CEMIP: variants seen among roughly 807,000 people sequenced by gnomAD.
CEMIP encodes the protein cell migration-inducing and hyaluronan-binding protein.
Under a neutral mutation model 156.9 loss-of-function variants are expected in CEMIP, and 105 were observed. That is an observed-to-expected ratio of 0.67 (90% confidence interval 0.57 to 0.79). CEMIP has a LOEUF of 0.79. Among genes scored for constraint, CEMIP ranks in the 30% least tolerant of loss-of-function variants. The probability of loss-of-function intolerance (pLI) is 0.00; values close to 1 mark genes in which losing one functional copy is unlikely to be tolerated. For synonymous variants in CEMIP, 676 were observed against 668.4 expected, an observed-to-expected ratio of 1.01 and a Z score of -0.17; for missense variants, 1,457 against 1,769.4, an observed-to-expected ratio of 0.82 and a Z score of 3.17.
At chr15:80,874,095 G>A in intron 3 of CEMIP, 122 bp downstream of exon 3, 1 of 895,972 alleles carries the variant, frequency 1.1e-6, no homozygotes, top group Non-Finnish European at 1.8e-6. Context: ...AGGGTGCCTG[G>A]GCCTTGGCCC....
chr15:80,810,705 T>C (rs1896649005), intron 1 of CEMIP, among the ~76,000 whole-genome samples: 1 of 152,178 alleles, frequency 6.6e-6, no homozygotes, highest in Non-Finnish European at 1.5e-5. Context: ...ACTTGGCTCC[T>C]TGAGAACTTG....
intron 1 of CEMIP, among the ~76,000 whole-genome samples, chr15:80,840,568 C>T (rs1026834583): frequency 3.3e-5 from 5 of 152,186 alleles, no homozygotes; most frequent in African/African-American, 1.2e-4. Context: ...GCTCAGTGGG[C>T]CTGGCTCCTA....
chr15:80,812,838 G>C (rs778401706), intron 1 of CEMIP, among the ~76,000 whole-genome samples: 1 of 152,146 alleles, frequency 6.6e-6, no homozygotes, highest in Non-Finnish European at 1.5e-5. Flanking sequence ...AACACTTAGC[G>C]TAGGCTGGGC....
intron 3 of CEMIP, among the ~76,000 whole-genome samples, chr15:80,875,287 G>T (rs141895979): frequency 1.3e-5 from 2 of 152,042 alleles, no homozygotes; most frequent in East Asian, 3.9e-4. Context: ...CTTCAGCCTC[G>T]GTCTCCCAAA....
chr15:80,882,248 A>C lies in CEMIP; in HGVS notation c.617+1112A>C, dbSNP rs79397469. 6.6e-3 allele frequency among the ~76,000 whole-genome samples: 1,006 copies of C among 152,328 alleles called. 6 individuals are homozygous for C. The highest frequency in any genetic ancestry group is 0.022 in the African/African-American group (925 of 41,580). ...ACAGTCACTGGACTTTCTCCCCGTAAAACACTGTTCATCACTTTACCTGTC... is the reference window on the plus strand; with the variant it reads ...ACAGTCACTGGACTTTCTCCCCGTACAACACTGTTCATCACTTTACCTGTC... On this transcript the variant is annotated intron_variant, in intron 6 of 29. Coordinates refer to ENST00000394685, the MANE Select transcript of CEMIP (RefSeq NM_001293298.2).
chr15:80,895,186 T>C (rs1899175175), intron 11 of CEMIP, 64 bp downstream of exon 11: 7 of 1,607,752 alleles, frequency 4.4e-6, no homozygotes, highest in Non-Finnish European at 2.6e-6. Context: ...CTGGCAGCTA[T>C]GCAGGCAACT....
intron 19 of CEMIP, 96 bp downstream of exon 19, chr15:80,925,851 A>T (rs372337240): frequency 2.0e-6 from 3 of 1,501,808 alleles, no homozygotes; most frequent in Non-Finnish European, 2.7e-6. Context: ...AGAGAGGGGA[A>T]GCCAGACATA....
chr15:80,900,585 G>GGTGTGTGTGTGT lies in CEMIP; in HGVS notation c.1411+4578_1411+4589dup, dbSNP rs57724852. 7.7e-3 allele frequency among the ~76,000 whole-genome samples: 574 copies of GGTGTGTGTGTGT among 74,892 alleles called. 37 individuals are homozygous for GGTGTGTGTGTGT. The highest frequency in any genetic ancestry group is 0.011 in the African/African-American group (200 of 17,454). 49.1% of individuals were successfully genotyped at this position (74,892 alleles called of 152,430 possible). On this transcript the variant is annotated intron_variant, in intron 12 of 29. Transcript: ENST00000394685. ...CAGCACCAGAAAAGCCCCAGGTAGG[G>GGTGTGTGTGTGT]GTGTGTGTGTGTGTGTGTGTGTGTG...
At chr15:80,925,586 A>G (rs1174596286) in intron 18 of CEMIP, 38 bp from the exon 19 acceptor site, 1 of 1,607,252 alleles carries the variant, frequency 6.2e-7, no homozygotes, top group Admixed American at 1.7e-5. Context: ...CGTGCCCCCA[A>G]CACCGCCACC....
Position 80,948,961 on chromosome 15 carries a change from A to C in CEMIP, c.*37A>C. On this transcript the variant is annotated 3_prime_UTR_variant, in exon 30 of 30. Transcript: ENST00000394685. ...GCCCGGTGCCACCTCGTGGTAGACTATGACGGTGACTCTTGGCAGCAGACC... is the reference window on the plus strand; with the variant it reads ...GCCCGGTGCCACCTCGTGGTAGACTCTGACGGTGACTCTTGGCAGCAGACC... 2 of 1,613,568 alleles carry C rather than the reference A, an allele frequency of 1.2e-6. No individual in the cohort carries two copies. Among genetic ancestry groups the C allele is most frequent in the Middle Eastern group, 1.7e-4 (1 of 6,052 alleles).
At position 80,920,295 on chromosome 15, in the gene CEMIP, T is replaced by C; in HGVS notation, c.1999T>C (p.Cys667Arg). Residue 667 changes from cysteine to arginine, a missense_variant, in exon 15 of 30, where the codon TGC becomes CGC. Around this residue, in one of 5 missense-constraint regions of CEMIP, gnomAD observed 798 missense variants for 980.1 expected, o/e 0.81. Transcript: ENST00000394685. The stretch of plus-strand genomic sequence containing the variant: ...GTACATCCCCAAGCCCAGGCAAGAC[T>C]GCAAGTAAGTGCCTGGACCCCTCTC... Reference protein sequence around the residue: ...PGYIPKPRQDCNAVSTFWMAN... With the variant: ...PGYIPKPRQDRNAVSTFWMAN... The C allele has an allele frequency of 3.1e-6, 5 of 1,613,676 alleles. No homozygotes were observed. The highest frequency in any genetic ancestry group is 3.4e-6 in the Non-Finnish European group (4 of 1,179,592).
chr15:80,833,327 C>T (rs2141683878), intron 1 of CEMIP, among the ~76,000 whole-genome samples: 1 of 152,184 alleles, frequency 6.6e-6, no homozygotes, highest in South Asian at 2.1e-4. Flanking sequence ...ATATTGCACC[C>T]AACCCCTGTA....
intron 1 of CEMIP, among the ~76,000 whole-genome samples, chr15:80,801,949 A>G (rs1896387980): frequency 6.6e-6 from 1 of 152,190 alleles, no homozygotes; most frequent in South Asian, 2.1e-4. Context: ...AGTATACAGG[A>G]GGATGTATGT....
chr15:80,844,031 T>C (rs182161232), intron 1 of CEMIP, among the ~76,000 whole-genome samples: 7 of 152,220 alleles, frequency 4.6e-5, no homozygotes, highest in African/African-American at 1.7e-4. Context: ...CAGCCCCAGA[T>C]CCTTCACTCT....
chr15:80,810,994 G>T (rs8035688), intron 1 of CEMIP, among the ~76,000 whole-genome samples: 2 of 152,222 alleles, frequency 1.3e-5, no homozygotes, highest in Non-Finnish European at 2.9e-5. Context: ...TACCCATCAC[G>T]CAGACATCAT....
chr15:80,842,645 T>A (rs1897452497), intron 1 of CEMIP, among the ~76,000 whole-genome samples: 1 of 151,870 alleles, frequency 6.6e-6, no homozygotes, highest in Non-Finnish European at 1.5e-5. Context: ...GGCAGGAGAA[T>A]CGCTTGAACC....
At chr15:80,927,024 T>C (rs1900716024) in intron 19 of CEMIP, among the ~76,000 whole-genome samples, 1 of 152,052 alleles carries the variant, frequency 6.6e-6, no homozygotes, top group South Asian at 2.1e-4. Context: ...AGAGACGGGG[T>C]TTCACCACAT....
chr15:80,887,617 G>A, intron 7 of CEMIP, 77 bp from the exon 8 acceptor site: 2 of 1,137,920 alleles, frequency 1.8e-6, no homozygotes, highest in South Asian at 2.5e-5. Flanking sequence ...CTTCAACTCT[G>A]CCCCATCCCC....
chr15:80,837,037 C>G (rs548475462), intron 1 of CEMIP, among the ~76,000 whole-genome samples: 2 of 152,338 alleles, frequency 1.3e-5, no homozygotes, highest in African/African-American at 4.8e-5. Flanking sequence ...TCACTGGGAA[C>G]AGACCCACAT....
Sources: allele counts gnomAD v4.1 joint callset (sites outside exome capture counted in the v4.1 genomes callset), GRCh38; gene constraint gnomAD v4.1.1; regional missense constraint gnomAD v4.1.1; transcripts MANE v1.5; gene names NCBI Gene and HGNC (gene_info 2026-07-23, HGNC 2026-07-21).